Variants in ZEB2 observed in about 807,000 individuals in gnomAD.
The protein encoded by ZEB2 is zinc finger E-box-binding homeobox 2.
Under a neutral mutation model 99.9 loss-of-function variants are expected in ZEB2, and 6 were observed. The observed-to-expected ratio is 0.06, with a 90% confidence interval of 0.03 to 0.12. The LOEUF is 0.12. Ranked by LOEUF, ZEB2 falls within the 10% of genes least tolerant of loss-of-function variation. The pLI is 1.00. For synonymous variants in ZEB2, 517 were observed against 542.5 expected (o/e 0.95, Z 0.65); for missense variants, 969 against 1,502.8 (o/e 0.64, Z 5.87).
chr2:144,513,934 C>G (rs767648646), intron 2 of ZEB2: 2 of 1,460,868 alleles, frequency 1.4e-6, no homozygotes, highest in Non-Finnish European at 1.8e-6. Flanking sequence ...TTCTTGAAAC[C>G]GACACACATT....
At position 144,387,042 on chromosome 2, in the gene ZEB2, T is replaced by C. The variant is rs1051726635; in HGVS notation, c.*2409A>G. On this transcript the variant is annotated 3_prime_UTR_variant, in exon 10 of 10. Transcript: ENST00000627532. Reference sequence around the variant, plus strand: ...TACATCCTTTCTGTGTATGTGTGTGTGTGTATATATATATATATATACACA... The same window carrying C: ...TACATCCTTTCTGTGTATGTGTGTGCGTGTATATATATATATATATACACA... 2 of 72,634 alleles carry C rather than the reference T, an allele frequency of 2.8e-5. No homozygotes were observed. The highest frequency in any genetic ancestry group is 9.3e-5 in the African/African-American group (2 of 21,520). The allele number at this position is 72,634 out of a possible 1,614,324, so 4.5% of individuals were successfully genotyped here. A position where few individuals can be genotyped will look rare whatever the true frequency, so the allele number is the denominator to read the frequency against.
At chr2:144,443,998 T>C (rs1703951282) in intron 2 of ZEB2, among the ~76,000 whole-genome samples, 1 of 152,174 alleles carries the variant, frequency 6.6e-6, no homozygotes, top group African/African-American at 2.4e-5. Context: ...ACAGCAGCCA[T>C]TCCAGGTAGC....
At chr2:144,457,940 A>G (rs1013157961) in intron 2 of ZEB2, among the ~76,000 whole-genome samples, 4 of 152,156 alleles carry the variant, frequency 2.6e-5, no homozygotes, top group African/African-American at 9.7e-5. Context: ...ATTCAATTAA[A>G]AATACCATTC....
intron 2 of ZEB2, among the ~76,000 whole-genome samples, chr2:144,466,491 A>C (rs1704274144): frequency 6.6e-6 from 1 of 152,206 alleles, no homozygotes. Flanking sequence ...GCAACTATAT[A>C]GAGAACTACC....
At chr2:144,391,770 T>C (rs1310775609) in intron 9 of ZEB2, among the ~76,000 whole-genome samples, 1 of 152,234 alleles carries the variant, frequency 6.6e-6, no homozygotes, top group Admixed American at 6.5e-5. Flanking sequence ...GGAGAAAGGA[T>C]AAGACGTTTC....
chr2:144,519,606 A>G (rs930223093), intron 1 of ZEB2: 23 of 211,992 alleles, frequency 1.1e-4, no homozygotes, highest in African/African-American at 4.0e-4. Flanking sequence ...TATTCCAGCC[A>G]TATAATTCTC....
intron 4 of ZEB2, among the ~76,000 whole-genome samples, chr2:144,416,334 T>C (rs963810629): frequency 2.0e-5 from 3 of 152,234 alleles, no homozygotes; most frequent in Admixed American, 2.0e-4. Flanking sequence ...TTCTGGAGTA[T>C]CAAACGTATC....
chr2:144,457,511 A>G (rs958925839), intron 2 of ZEB2, among the ~76,000 whole-genome samples: 1 of 152,160 alleles, frequency 6.6e-6, no homozygotes, highest in African/African-American at 2.4e-5. Context: ...AATCTTGTTC[A>G]TCTGGTTTAG....
At chr2:144,516,242 C>T (rs1437519755) in intron 2 of ZEB2, 1 of 143,066 alleles carries the variant, frequency 7.0e-6, no homozygotes, top group Non-Finnish European at 1.5e-5. Context: ...GGCACCCTCG[C>T]TAGTCCCCAG....
chr2:144,444,812 T>C (rs1217939011), intron 2 of ZEB2: 1 of 152,208 alleles, frequency 6.6e-6, no homozygotes, highest in Non-Finnish European at 1.5e-5. Flanking sequence ...GATTTCATCA[T>C]AATAAAGAAT....
At chr2:144,441,132 C>G (rs919930986) in intron 2 of ZEB2, among the ~76,000 whole-genome samples, 2 of 143,230 alleles carry the variant, frequency 1.4e-5, no homozygotes, top group Non-Finnish European at 3.0e-5. Context: ...AATGATCACC[C>G]TCTTTTCCTT....
chr2:144,497,304 C>A (rs184842587), intron 2 of ZEB2, among the ~76,000 whole-genome samples: 1 of 152,148 alleles, frequency 6.6e-6, no homozygotes, highest in Non-Finnish European at 1.5e-5. Flanking sequence ...AATGCACCCC[C>A]ATTTCCCACT....
intron 2 of ZEB2, chr2:144,462,014 C>T (rs963281807): frequency 6.6e-6 from 1 of 152,178 alleles, no homozygotes; most frequent in Non-Finnish European, 1.5e-5. Flanking sequence ...GAAAATATCA[C>T]TGAATATGTA....
Position 144,411,066 on chromosome 2 carries a change from T to C in ZEB2, c.404-6042A>G, listed in dbSNP as rs796419586. On this transcript the variant is annotated intron_variant, in intron 4 of 9. Coordinates refer to ENST00000627532, the MANE Select transcript of ZEB2 (RefSeq NM_014795.4). The stretch of plus-strand genomic sequence containing the variant: ...CAATATACAGACATGTCTATATATA[T>C]ATATATATATATATATATATATATA... 6.3e-5 allele frequency among the ~76,000 whole-genome samples: 6 copies of C among 95,692 alleles called. No individual in the cohort carries two copies. In the South Asian group the frequency reaches 2.1e-3, roughly 33 times the overall value. The allele number at this position is 95,692 out of a possible 152,430, so 62.8% of individuals were successfully genotyped here.
chr2:144,485,383 A>G (rs1000361782), intron 2 of ZEB2, among the ~76,000 whole-genome samples: 93 of 152,204 alleles, frequency 6.1e-4, no homozygotes, highest in African/African-American at 2.1e-3. Context: ...ATTTTTAGAA[A>G]TTTGGGTTGG....
chr2:144,473,134 A>AG (rs766653952), intron 2 of ZEB2, among the ~76,000 whole-genome samples: 2 of 152,192 alleles, frequency 1.3e-5, no homozygotes, highest in African/African-American at 2.4e-5. Flanking sequence ...TGGAAAGGAA[A>AG]GGGGTGGATT....
intron 2 of ZEB2, chr2:144,513,306 T>A (rs1338478832): frequency 7.7e-7 from 1 of 1,294,148 alleles, no homozygotes; most frequent in African/African-American, 1.5e-5. Flanking sequence ...TCCTCTAGGA[T>A]CCAAAGCCCT....
intron 4 of ZEB2, among the ~76,000 whole-genome samples, chr2:144,410,094 G>A (rs1453016388): frequency 6.6e-6 from 1 of 151,928 alleles, no homozygotes; most frequent in South Asian, 2.1e-4. Context: ...CGTATTTTTA[G>A]TAGAGACAGG....
chr2:144,399,781 T>C lies in ZEB2; in HGVS notation c.1406A>G (p.Asn469Ser). ...EVQKVLQIVD[N>S]TVSRQKMDCK... ...GTCCATTTTTTGCCTGGAAACAGTA[T>C]TGTCCACAATCTGTAGAACCTTTTG... Residue 469 changes from asparagine (N) to serine (S), a missense_variant, in exon 8 of 10, where the codon AAT (asparagine) becomes AGT (serine). Asn to Ser is a conservative substitution (Grantham distance 46). This residue lies in a region of ZEB2 where 227 missense variants were observed against 278.2 expected (regional missense o/e 0.82). Coordinates refer to ENST00000627532, the MANE Select transcript of ZEB2 (RefSeq NM_014795.4). The surrounding 1 kb of genome is among the most constrained non-coding windows in gnomAD (Gnocchi z 5.6). 1 of 1,614,154 alleles carries C rather than the reference T, an allele frequency of 6.2e-7. No homozygotes were observed. The highest frequency in any genetic ancestry group is 8.5e-7 in the Non-Finnish European group (1 of 1,180,026).
Sources: gnomAD v4.1 joint callset for allele counts (sites outside exome capture counted in the v4.1 genomes callset) on GRCh38, gnomAD v4.1.1 for gene constraint, gnomAD v4.1.1 regional missense constraint, Gnocchi (gnomAD v3.1) non-coding constraint, MANE v1.5 for transcripts, NCBI Gene and HGNC (gene_info 2026-07-23, HGNC 2026-07-21) for gene names.